SMIM10L3: variants seen among roughly 807,000 people sequenced by gnomAD.
SMIM10L3 encodes the protein small integral membrane protein 10 like 3, also known as salivary gland specific protein SAGSIN1.
At chr7:6,334,063 GAA>G in the SMIM10L3 span, among the ~76,000 whole-genome samples, 130 of 151,056 alleles carry the variant, frequency 8.6e-4, 1 homozygote, top group South Asian at 0.012. Flanking sequence ...AGCCAGGATG[GAA>G]TCTATCTCCT....
chr7:6,338,860 G>T, the SMIM10L3 span, among the ~76,000 whole-genome samples: 1 of 152,200 alleles, frequency 6.6e-6, no homozygotes, highest in Non-Finnish European at 1.5e-5. Context: ...TCCCAAAGGG[G>T]AGAAGACACA....
chr7:6,344,789 G>A, the SMIM10L3 span, among the ~76,000 whole-genome samples: 1 of 152,028 alleles, frequency 6.6e-6, no homozygotes, highest in Admixed American at 6.6e-5. Flanking sequence ...TGCCCAGGCT[G>A]GAGTGCAATG....
the SMIM10L3 span, among the ~76,000 whole-genome samples, chr7:6,346,343 C>A: frequency 1.3e-5 from 2 of 152,014 alleles, no homozygotes; most frequent in Admixed American, 1.3e-4. Flanking sequence ...CAATTTGGAC[C>A]TCAAAATAAA....
the SMIM10L3 span, chr7:6,329,836 T>C: frequency 1.2e-5 from 2 of 167,622 alleles, no homozygotes; most frequent in Non-Finnish European, 2.9e-5. Flanking sequence ...ACAGGGCCTC[T>C]GTCTAAATTG....
the SMIM10L3 span, among the ~76,000 whole-genome samples, chr7:6,342,184 TTTC>T: frequency 6.6e-6 from 1 of 152,236 alleles, no homozygotes; most frequent in East Asian, 1.9e-4. Flanking sequence ...TTTTCTTTCC[TTTC>T]TTTTTTCTTT....
the SMIM10L3 span, chr7:6,331,092 A>C: frequency 1.9e-6 from 3 of 1,613,278 alleles, no homozygotes. Context: ...TGTCCGAGTC[A>C]CCTCCTCCGG....
the SMIM10L3 span, chr7:6,342,076 A>C: frequency 6.6e-6 from 1 of 152,032 alleles, no homozygotes; most frequent in Non-Finnish European, 1.5e-5. Flanking sequence ...ATGAGCAATC[A>C]CTCATTAAGA....
chr7:6,333,168 C>CAAAAAAAAAAAA, the SMIM10L3 span, among the ~76,000 whole-genome samples: 4 of 127,984 alleles, frequency 3.1e-5, no homozygotes, highest in Admixed American at 7.7e-5. Context: ...ATAAAAAAAT[C>CAAAAAAAAAAAA]AAAAAAAAAA....
the SMIM10L3 span, among the ~76,000 whole-genome samples, chr7:6,339,963 C>A: frequency 1.3e-5 from 2 of 152,122 alleles, no homozygotes. Context: ...CAGCTCACTG[C>A]AACCTCCACC....
the SMIM10L3 span, among the ~76,000 whole-genome samples, chr7:6,335,166 G>A: frequency 4.0e-5 from 6 of 151,888 alleles, no homozygotes; most frequent in East Asian, 1.9e-4. Flanking sequence ...AGGTTCAAGC[G>A]ATTCTCCTGC....
At chr7:6,341,374 G>A in the SMIM10L3 span, among the ~76,000 whole-genome samples, 9 of 151,042 alleles carry the variant, frequency 6.0e-5, no homozygotes, top group South Asian at 2.1e-4. Context: ...ACCGGGAGGC[G>A]GAGCTTGCAG....
chr7:6,333,449 A>C, the SMIM10L3 span, among the ~76,000 whole-genome samples: 1 of 152,132 alleles, frequency 6.6e-6, no homozygotes, highest in Non-Finnish European at 1.5e-5. Flanking sequence ...CAGGAAAAAG[A>C]AAGAAAGAAG....
At chr7:6,348,232 A>AGGGGGGG in the SMIM10L3 span, among the ~76,000 whole-genome samples, 13 of 145,136 alleles carry the variant, frequency 9.0e-5, no homozygotes, top group Admixed American at 2.1e-4. Context: ...ATTAAAAATA[A>AGGGGGGG]GGGGGGGGGT....
the SMIM10L3 span, chr7:6,348,957 C>G: frequency 2.7e-6 from 1 of 377,258 alleles, no homozygotes; most frequent in Non-Finnish European, 4.7e-6. Flanking sequence ...ACCAGCCTGG[C>G]CGCGCAGCCT....
chr7:6,331,283 C>CTTCATT, the SMIM10L3 span: 3 of 865,718 alleles, frequency 3.5e-6, no homozygotes, highest in Non-Finnish European at 5.3e-6. Context: ...ACACATGGGT[C>CTTCATT]TTAAGAGCAT....
chr7:6,336,777 C>T, the SMIM10L3 span, among the ~76,000 whole-genome samples: 1 of 151,756 alleles, frequency 6.6e-6, no homozygotes, highest in African/African-American at 2.4e-5. Context: ...ACCTTAGCCT[C>T]CCAAGCAGCT....
At chr7:6,330,409 G>A in the SMIM10L3 span, 1 of 1,613,706 alleles carries the variant, frequency 6.2e-7, no homozygotes, top group South Asian at 1.1e-5. Flanking sequence ...TAATTCAAAA[G>A]GTTGCAGAGC....
chr7:6,347,812 G>A, the SMIM10L3 span, among the ~76,000 whole-genome samples: 1 of 151,382 alleles, frequency 6.6e-6, no homozygotes, highest in Non-Finnish European at 1.5e-5. Context: ...TCCCAGCACT[G>A]GGAGGCCAAG....
At chr7:6,346,971 G>A in the SMIM10L3 span, among the ~76,000 whole-genome samples, 1 of 152,116 alleles carries the variant, frequency 6.6e-6, no homozygotes, top group Admixed American at 6.6e-5. Flanking sequence ...GAGGGGCTCA[G>A]GACTTGGCCA....
Sources: allele counts gnomAD v4.1 joint callset (sites outside exome capture counted in the v4.1 genomes callset), GRCh38; gene constraint gnomAD v4.1.1; transcripts MANE v1.5; gene names NCBI Gene and HGNC (gene_info 2026-07-23, HGNC 2026-07-21).